PDE1A: variants seen among roughly 807,000 people sequenced by gnomAD.
The protein encoded by PDE1A is dual specificity calcium/calmodulin-dependent 3',5'-cyclic nucleotide phosphodiesterase 1A.
Under a neutral mutation model 61.7 loss-of-function variants are expected in PDE1A, and 35 were observed. The ratio of observed to expected loss-of-function variants is 0.57; its 90% confidence interval spans 0.43 to 0.75. The LOEUF (loss-of-function observed/expected upper bound fraction) is 0.75. Ranked by LOEUF, PDE1A falls within the 30% of genes least tolerant of loss-of-function variation. The pLI, the probability that PDE1A is intolerant of heterozygous loss-of-function variation, is 0.00. For missense variants in PDE1A, 597 were observed against 630.6 expected, an observed-to-expected ratio of 0.95 and a Z score of 0.57; for synonymous variants, 232 against 213.2, an observed-to-expected ratio of 1.09 and a Z score of -0.77.
intron 2 of PDE1A, among the ~76,000 whole-genome samples, chr2:182,457,928 T>C (rs1001002845): frequency 6.6e-6 from 1 of 152,110 alleles, no homozygotes; most frequent in Non-Finnish European, 1.5e-5. Context: ...GATGTAGCTT[T>C]ATTTATGACT....
At chr2:182,188,036 C>A (rs978660888) in intron 11 of PDE1A, among the ~76,000 whole-genome samples, 7 of 152,164 alleles carry the variant, frequency 4.6e-5, no homozygotes, top group Non-Finnish European at 7.3e-5. Context: ...AGCCACTGCA[C>A]CCAGCCAGTT....
At chr2:182,695,476 C>T in the PDE1A span, among the ~76,000 whole-genome samples, 32 of 151,912 alleles carry the variant, frequency 2.1e-4, no homozygotes, top group African/African-American at 7.7e-4. Context: ...GCCATCCTGG[C>T]TAACACGGTG....
chr2:182,230,588 A>C (rs564542106), intron 5 of PDE1A, among the ~76,000 whole-genome samples: 1 of 152,298 alleles, frequency 6.6e-6, no homozygotes, highest in South Asian at 2.1e-4. Context: ...CAATCTGCTC[A>C]GTAGTCTGTA....
chr2:182,566,754 T>C, the PDE1A span, among the ~76,000 whole-genome samples: 1 of 152,124 alleles, frequency 6.6e-6, no homozygotes, highest in African/African-American at 2.4e-5. Flanking sequence ...TTCCTTCCTT[T>C]CTTAACATTC....
intron 1 of PDE1A, among the ~76,000 whole-genome samples, chr2:182,310,402 G>A (rs1695886722): frequency 6.6e-6 from 1 of 152,128 alleles, no homozygotes; most frequent in South Asian, 2.1e-4. Context: ...AACTTTGAAC[G>A]TTGAAGGGAA....
At chr2:182,190,414 TAGAGTCAGAAGATA>T in intron 10 of PDE1A, among the ~76,000 whole-genome samples, 1 of 152,336 alleles carries the variant, frequency 6.6e-6, no homozygotes, top group South Asian at 2.1e-4. Context: ...CCACTAGTCT[TAGAGTCAGAAGATA>T]CAGTCAGCTG....
intron 2 of PDE1A, among the ~76,000 whole-genome samples, chr2:182,471,031 C>T (rs1200096091): frequency 6.6e-6 from 1 of 151,642 alleles, no homozygotes; most frequent in Non-Finnish European, 1.5e-5. Flanking sequence ...ATCTAAAAAA[C>T]CGAGAGTAGG....
chr2:182,380,376 T>C (rs553603410), intron 1 of PDE1A, among the ~76,000 whole-genome samples: 37 of 151,914 alleles, frequency 2.4e-4, no homozygotes, highest in Non-Finnish European at 5.1e-4. Flanking sequence ...CCTCCCAAAG[T>C]GCTGGGATTA....
At chr2:182,644,152 C>A in the PDE1A span, among the ~76,000 whole-genome samples, 4 of 150,994 alleles carry the variant, frequency 2.6e-5, no homozygotes, top group Non-Finnish European at 1.5e-5. Flanking sequence ...CACACACACA[C>A]ACACACAGAG....
At chr2:182,609,701 G>A in the PDE1A span, among the ~76,000 whole-genome samples, 3 of 152,222 alleles carry the variant, frequency 2.0e-5, no homozygotes, top group Non-Finnish European at 4.4e-5. Flanking sequence ...GCGAGGGTTC[G>A]CGGCTTCATT....
intron 2 of PDE1A, among the ~76,000 whole-genome samples, chr2:182,513,885 A>G (rs1689974095): frequency 6.6e-6 from 1 of 152,250 alleles, no homozygotes; most frequent in South Asian, 2.1e-4. Context: ...TCAATTCAGT[A>G]AGAAGACTTA....
upstream of PDE1A, among the ~76,000 whole-genome samples, chr2:182,525,049 T>C (rs958194937): frequency 2.0e-4 from 30 of 152,032 alleles, no homozygotes; most frequent in Non-Finnish European, 4.1e-4. Flanking sequence ...ACTGAAAGAA[T>C]TATGTGATTT....
chr2:182,665,804 A>G, the PDE1A span, among the ~76,000 whole-genome samples: 47 of 152,332 alleles, frequency 3.1e-4, no homozygotes, highest in Non-Finnish European at 6.5e-4. Context: ...TAGCAAAGAC[A>G]TGGAATCAAC....
At chr2:182,484,218 G>C (rs1026163777) in intron 2 of PDE1A, among the ~76,000 whole-genome samples, 1 of 151,858 alleles carries the variant, frequency 6.6e-6, no homozygotes, top group Non-Finnish European at 1.5e-5. Context: ...TCATCAACTA[G>C]AGGTGGAGGA....
intron 2 of PDE1A, among the ~76,000 whole-genome samples, chr2:182,521,324 G>A (rs1012703524): frequency 6.6e-6 from 1 of 151,920 alleles, no homozygotes; most frequent in African/African-American, 2.4e-5. Context: ...TCTCTATTTT[G>A]CATAGTGTAG....
At chr2:182,514,645 T>A (rs1574838705) in intron 2 of PDE1A, among the ~76,000 whole-genome samples, 1 of 152,150 alleles carries the variant, frequency 6.6e-6, no homozygotes, top group East Asian at 1.9e-4. Flanking sequence ...GACACCTTCT[T>A]TTCACCATAT....
chr2:182,353,363 G>C (rs1699000049), intron 1 of PDE1A, among the ~76,000 whole-genome samples: 2 of 152,116 alleles, frequency 1.3e-5, no homozygotes, highest in South Asian at 4.1e-4. Context: ...CTTATTGATT[G>C]CTCTAAATCT....
At chr2:182,209,151 GA>G (rs1687363943) in intron 7 of PDE1A, among the ~76,000 whole-genome samples, 1 of 152,128 alleles carries the variant, frequency 6.6e-6, no homozygotes, top group African/African-American at 2.4e-5. Context: ...ATTTACAAAA[GA>G]AAGAGGTTTA....
At chr2:182,551,229 T>C in the PDE1A span, among the ~76,000 whole-genome samples, 3 of 152,070 alleles carry the variant, frequency 2.0e-5, no homozygotes, top group African/African-American at 4.8e-5. Flanking sequence ...CTTTTGACAA[T>C]AGCTATAGGT....
Sources: allele counts gnomAD v4.1 joint callset (sites outside exome capture counted in the v4.1 genomes callset), GRCh38; gene constraint gnomAD v4.1.1; transcripts MANE v1.5; gene names NCBI Gene and HGNC (gene_info 2026-07-23, HGNC 2026-07-21).